ATP8B4: variants seen among roughly 807,000 people sequenced by gnomAD.
ATP8B4 encodes the protein probable phospholipid-transporting ATPase IM.
In ATP8B4, 133 loss-of-function variants were observed where a neutral mutation model predicts 145.6. That is an observed-to-expected ratio of 0.91 (90% CI 0.79 to 1.05). The LOEUF (loss-of-function observed/expected upper bound fraction) is 1.05, where lower values mean the gene tolerates loss of function less well. Ranked by LOEUF, ATP8B4 falls within the 50% of genes least tolerant of loss-of-function variation. The pLI, the probability that ATP8B4 is intolerant of heterozygous loss-of-function variation, is 0.00. For missense variants in ATP8B4, 1,458 were observed against 1,425.2 expected (o/e 1.02, Z -0.37); for synonymous variants, 507 against 492.9 (o/e 1.03, Z -0.38).
intron 13 of ATP8B4, among the ~76,000 whole-genome samples, chr15:49,965,116 G>T (rs1400261554): frequency 6.6e-6 from 1 of 152,190 alleles, no homozygotes; most frequent in Admixed American, 6.5e-5. Flanking sequence ...TGGGCTTGTG[G>T]AAGTCCAGGT....
chr15:50,141,988 G>C (rs1439144244), intron 1 of ATP8B4, among the ~76,000 whole-genome samples: 2 of 152,162 alleles, frequency 1.3e-5, no homozygotes, highest in African/African-American at 4.8e-5. Context: ...GCATGTCTGA[G>C]GGGCTCTTGA....
At chr15:49,943,359 T>C (rs2042313154) in intron 14 of ATP8B4, among the ~76,000 whole-genome samples, 1 of 151,818 alleles carries the variant, frequency 6.6e-6, no homozygotes. Flanking sequence ...TGGAGATCCA[T>C]TTTCAAGAAG....
intron 20 of ATP8B4, among the ~76,000 whole-genome samples, chr15:49,909,891 G>A (rs2039052772): frequency 6.6e-6 from 1 of 152,144 alleles, no homozygotes; most frequent in Admixed American, 6.5e-5. Context: ...AGAAGCGACT[G>A]TTATACCAGA....
chr15:50,025,858 A>C (rs1440710436), intron 6 of ATP8B4, among the ~76,000 whole-genome samples: 1 of 152,214 alleles, frequency 6.6e-6, no homozygotes, highest in Non-Finnish European at 1.5e-5. Context: ...TTGACAAGTA[A>C]ATGAAAGGTA....
rs554961204 is a variant in ATP8B4 at position 50,145,088 on chromosome 15, A to G, written c.-43+37173T>C. 1.1e-4 allele frequency among the ~76,000 whole-genome samples: 17 copies of G among 152,354 alleles called. No individual in the cohort carries two copies. In the South Asian group the frequency reaches 1.7e-3, roughly 15 times the overall value. On this transcript the variant is annotated intron_variant, in intron 1 of 3. Transcript: ENST00000558829. ...TACCTCTACAATCCCAGCTATATGT[A>G]CCACATCCTAATCTGAGTTAAAATG...
At chr15:50,099,966 C>T (rs1451672910) in intron 2 of ATP8B4, among the ~76,000 whole-genome samples, 4 of 137,370 alleles carry the variant, frequency 2.9e-5, no homozygotes, top group Admixed American at 2.5e-4. Context: ...ATCTGGGAGG[C>T]GGAGGTTGCG....
chr15:50,168,196 A>G (rs1249443091), intron 1 of ATP8B4, among the ~76,000 whole-genome samples: 1 of 152,242 alleles, frequency 6.6e-6, no homozygotes, highest in Non-Finnish European at 1.5e-5. Flanking sequence ...GTACATTGTG[A>G]CTGGGAGCTC....
At chr15:49,878,332 C>T (rs1598855782) in intron 24 of ATP8B4, among the ~76,000 whole-genome samples, 1 of 152,048 alleles carries the variant, frequency 6.6e-6, no homozygotes, top group East Asian at 1.9e-4. Flanking sequence ...ATATGCCTTT[C>T]GCAAACTGCC....
At chr15:49,897,983 G>A in intron 22 of ATP8B4, 85 bp downstream of exon 22, 1 of 1,421,826 alleles carries the variant, frequency 7.0e-7, no homozygotes, top group Non-Finnish European at 9.7e-7. Flanking sequence ...AAATTTTAAT[G>A]CAATCTAGTG....
chr15:50,075,191 C>A (rs756663262), intron 2 of ATP8B4, among the ~76,000 whole-genome samples: 1 of 151,202 alleles, frequency 6.6e-6, no homozygotes, highest in African/African-American at 2.4e-5. Context: ...CTTGGAGACA[C>A]GTGTTGGGGA....
In ATP8B4 at chr15:50,054,810, C is replaced by CA. The variant is rs1393999490; in HGVS notation, c.88-7347dup. Among the ~76,000 whole-genome samples, 643 of 75,176 alleles carry CA rather than the reference C, an allele frequency of 8.6e-3. 7 individuals carry two copies. Among genetic ancestry groups the CA allele is most frequent in the African/African-American group, 0.033 (581 of 17,860 alleles). The allele number at this position is 75,176 out of a possible 152,430, so 49.3% of individuals were successfully genotyped here. On this transcript the variant is annotated intron_variant, in intron 3 of 27. Coordinates refer to ENST00000284509, the MANE Select transcript of ATP8B4 (RefSeq NM_024837.4). ...AAAAAAAAAAAAAAAAAAAAAAAAA[C>CA]AAAAAAAAAAAAACACCAACCTCAG...
intron 1 of ATP8B4, among the ~76,000 whole-genome samples, chr15:50,168,499 G>T (rs1288559376): frequency 2.6e-5 from 4 of 152,158 alleles, no homozygotes; most frequent in Admixed American, 2.6e-4. Context: ...TGAAATACAG[G>T]GGTAGAGAAA....
chr15:50,160,209 G>A (rs2044496046), intron 1 of ATP8B4, among the ~76,000 whole-genome samples: 1 of 151,410 alleles, frequency 6.6e-6, no homozygotes, highest in Admixed American at 6.6e-5. Flanking sequence ...AACCAATAAT[G>A]ATCCTTTCCA....
At chr15:50,046,724 T>A (rs759780249) in intron 4 of ATP8B4, among the ~76,000 whole-genome samples, 1 of 152,352 alleles carries the variant, frequency 6.6e-6, no homozygotes, top group South Asian at 2.1e-4. Flanking sequence ...GTGTATAGTA[T>A]GTATGTGTAC....
intron 6 of ATP8B4, among the ~76,000 whole-genome samples, chr15:50,023,779 C>CAAAAAAAAAAAAAAAAAGA (rs2049784902): frequency 5.3e-5 from 4 of 75,056 alleles, no homozygotes; most frequent in African/African-American, 5.4e-5. Context: ...AGACCAAAGG[C>CAAAAAAAAAAAAAAAAAGA]AAAAAAAAAA....
At chr15:50,053,138 T>C (rs1366640845) in intron 3 of ATP8B4, among the ~76,000 whole-genome samples, 1 of 152,222 alleles carries the variant, frequency 6.6e-6, no homozygotes, top group Non-Finnish European at 1.5e-5. Context: ...GCTCTTACTA[T>C]GTGTACTAAG....
upstream of ATP8B4, among the ~76,000 whole-genome samples, chr15:50,123,029 T>C (rs1053397021): frequency 1.3e-5 from 2 of 152,156 alleles, no homozygotes; most frequent in African/African-American, 4.8e-5. Context: ...TAAGAATAAA[T>C]AGCACACAAC....
chr15:50,002,485 CCTT>C, intron 7 of ATP8B4, among the ~76,000 whole-genome samples: 1 of 152,046 alleles, frequency 6.6e-6, no homozygotes, highest in Non-Finnish European at 1.5e-5. Flanking sequence ...ACTTGATTCA[CCTT>C]TTTTTAATGA....
At chr15:50,119,676 AG>A (rs1211798738), upstream of ATP8B4, among the ~76,000 whole-genome samples, 2 of 150,918 alleles carry the variant, frequency 1.3e-5, no homozygotes, top group Admixed American at 1.3e-4. Flanking sequence ...CCCTTGACTG[AG>A]GAAGATAAGC....
Sources: allele counts gnomAD v4.1 joint callset (sites outside exome capture counted in the v4.1 genomes callset), GRCh38; gene constraint gnomAD v4.1.1; transcripts MANE v1.5; gene names NCBI Gene and HGNC (gene_info 2026-07-23, HGNC 2026-07-21).